The following SDCCAG8 variants were observed in gnomAD, a reference collection of about 807,000 sequenced individuals.
SDCCAG8 encodes serologically defined colon cancer antigen 8.
SDCCAG8 carries 74 observed loss-of-function variants against 101.8 expected under a neutral mutation model. The ratio of observed to expected loss-of-function variants is 0.73; its 90% confidence interval spans 0.60 to 0.88. The LOEUF is 0.88. SDCCAG8 is among the 40% of genes least tolerant of loss of function. The probability of loss-of-function intolerance (pLI) is 0.00; values close to 1 mark genes in which losing one functional copy is unlikely to be tolerated. For synonymous variants in SDCCAG8, 281 were observed against 292.9 expected (o/e 0.96, Z 0.41); for missense variants, 787 against 822.6 (o/e 0.96, Z 0.53).
chr1:243,378,301 C>T (rs949410757), intron 12 of SDCCAG8, among the ~76,000 whole-genome samples: 10 of 151,706 alleles, frequency 6.6e-5, no homozygotes, highest in African/African-American at 2.4e-4. Flanking sequence ...TTGAAACACC[C>T]AAATGAAGCC....
chr1:243,398,557 C>T (rs1345332725), intron 13 of SDCCAG8, among the ~76,000 whole-genome samples: 5 of 151,994 alleles, frequency 3.3e-5, no homozygotes, highest in African/African-American at 7.2e-5. Flanking sequence ...TATATAAAAT[C>T]GATTGGAGTA....
At chr1:243,273,782 T>G (rs879696381) in intron 3 of SDCCAG8, among the ~76,000 whole-genome samples, 9 of 152,200 alleles carry the variant, frequency 5.9e-5, no homozygotes, top group Non-Finnish European at 1.3e-4. Flanking sequence ...ATCTCAGCAT[T>G]ACTGAATGGA....
At chr1:243,324,922 A>G (rs937869925) in intron 9 of SDCCAG8, among the ~76,000 whole-genome samples, 2 of 152,038 alleles carry the variant, frequency 1.3e-5, no homozygotes, top group Non-Finnish European at 2.9e-5. Flanking sequence ...CACATGCTGT[A>G]TTTTTCTGCC....
chr1:243,394,953 C>A (rs963777861), intron 13 of SDCCAG8, among the ~76,000 whole-genome samples: 1 of 151,888 alleles, frequency 6.6e-6, no homozygotes, highest in South Asian at 2.1e-4. Context: ...TAAGCAATGA[C>A]GCATTAAGCA....
chr1:243,425,959 T>G (rs1172462952), intron 15 of SDCCAG8, among the ~76,000 whole-genome samples: 1 of 152,194 alleles, frequency 6.6e-6, no homozygotes, highest in African/African-American at 2.4e-5. Flanking sequence ...CTGGGCACCA[T>G]GGCCCAAAGA....
intron 16 of SDCCAG8, among the ~76,000 whole-genome samples, chr1:243,438,516 TTGTGTGTGTG>T (rs147959124): frequency 2.0e-5 from 3 of 146,428 alleles, no homozygotes; most frequent in East Asian, 4.0e-4. Context: ...GTGGGAGTGA[TTGTGTGTGTG>T]TGTGTGTGTG....
chr1:243,473,656 C>T (rs778867115), intron 16 of SDCCAG8, among the ~76,000 whole-genome samples: 7 of 151,982 alleles, frequency 4.6e-5, no homozygotes, highest in Non-Finnish European at 7.4e-5. Context: ...AAACTGGCAG[C>T]GTGTGCAAAA....
intron 1 of SDCCAG8, among the ~76,000 whole-genome samples, chr1:243,258,086 T>A (rs2066907946): frequency 6.6e-6 from 1 of 152,184 alleles, no homozygotes; most frequent in African/African-American, 2.4e-5. Context: ...ATAATACATT[T>A]TAAAATTAGT....
At chr1:243,334,631 A>G (rs1427152304) in intron 10 of SDCCAG8, among the ~76,000 whole-genome samples, 1 of 152,012 alleles carries the variant, frequency 6.6e-6, no homozygotes, top group Non-Finnish European at 1.5e-5. Flanking sequence ...TCACTCTGTC[A>G]CCCAGGCTGG....
At chr1:243,386,975 AAG>A (rs1182245218) in intron 13 of SDCCAG8, among the ~76,000 whole-genome samples, 1 of 152,188 alleles carries the variant, frequency 6.6e-6, no homozygotes, top group Non-Finnish European at 1.5e-5. Flanking sequence ...CCCAAGAAGA[AAG>A]AGAGGCTTTT....
chr1:243,341,742 T>C (rs2075392505), intron 11 of SDCCAG8, among the ~76,000 whole-genome samples: 1 of 152,200 alleles, frequency 6.6e-6, no homozygotes, highest in South Asian at 2.1e-4. Context: ...GCATCACTGG[T>C]TCGTGAATCA....
intron 13 of SDCCAG8, among the ~76,000 whole-genome samples, chr1:243,394,049 G>A (rs901905489): frequency 2.0e-5 from 3 of 152,310 alleles, no homozygotes; most frequent in African/African-American, 7.2e-5. Flanking sequence ...TTAAGTAGTC[G>A]TGGTTCTTGA....
intron 16 of SDCCAG8, among the ~76,000 whole-genome samples, chr1:243,438,602 A>G (rs1030880913): frequency 6.6e-6 from 1 of 151,932 alleles, no homozygotes; most frequent in Non-Finnish European, 1.5e-5. Context: ...GACCCCTCAG[A>G]AGTTAGACCT....
rs1282922454 is a variant in SDCCAG8, at chr1:243,489,128, G to C, written c.2100G>C (p.Arg700=). The part of the protein sequence containing the change: ...ERQSLSEEVD[R]LRTQLPSMPQ... ...AGAGCCTGTCGGAAGAGGTGGACCG[G>C]CTGCGGACCCAGGTACTGTGCAGAA... is the stretch of plus-strand genomic sequence containing the variant. The change falls in exon 17 of 18, where the codon CGG becomes CGC. Residue 700 remains arginine (R), a synonymous_variant. Transcript: ENST00000366541. 1.2e-6 allele frequency: 2 copies of C among 1,612,430 alleles called. No individual in the cohort carries two copies. The highest frequency in any genetic ancestry group is 2.7e-5 in the African/African-American group (2 of 74,920).
intron 9 of SDCCAG8, chr1:243,317,895 G>A (rs2149333045): frequency 5.9e-6 from 2 of 337,226 alleles, no homozygotes; most frequent in South Asian, 4.5e-5. Context: ...ATCATGAAAA[G>A]TTTTGTTGGA....
At chr1:243,466,074 G>A (rs761537997) in intron 16 of SDCCAG8, among the ~76,000 whole-genome samples, 15 of 152,144 alleles carry the variant, frequency 9.9e-5, no homozygotes, top group Non-Finnish European at 1.8e-4. Flanking sequence ...ATAGCAATGC[G>A]CTATGAGCTA....
chr1:243,296,712 T>C (rs2070948633), intron 6 of SDCCAG8, among the ~76,000 whole-genome samples: 1 of 151,470 alleles, frequency 6.6e-6, no homozygotes, highest in Admixed American at 6.6e-5. Flanking sequence ...CCGGCTAATT[T>C]TTTTTTGTAT....
intron 12 of SDCCAG8, among the ~76,000 whole-genome samples, chr1:243,358,273 C>T (rs1053950536): frequency 2.6e-5 from 4 of 151,530 alleles, no homozygotes; most frequent in Admixed American, 6.6e-5. Context: ...TTTAAATGGG[C>T]AAAAGATCCG....
At chr1:243,357,210 T>G (rs988195914) in intron 12 of SDCCAG8, among the ~76,000 whole-genome samples, 7 of 151,986 alleles carry the variant, frequency 4.6e-5, no homozygotes, top group African/African-American at 1.4e-4. Context: ...AAATCCCATC[T>G]CTACTAAAAA....
Sources: gnomAD v4.1 joint callset for allele counts (sites outside exome capture counted in the v4.1 genomes callset) on GRCh38, gnomAD v4.1.1 for gene constraint, MANE v1.5 for transcripts, NCBI Gene and HGNC (gene_info 2026-07-23, HGNC 2026-07-21) for gene names.